TMPRSS2: variants seen among roughly 807,000 people sequenced by gnomAD.
TMPRSS2 encodes the protein transmembrane serine protease 2, also known as transmembrane protease serine 2.
A neutral mutation model predicts 67.4 loss-of-function variants in TMPRSS2; 59 were observed. That is an observed-to-expected ratio of 0.88 (90% CI 0.71 to 1.09). The LOEUF is 1.09. Ranked by LOEUF, TMPRSS2 falls within the 50% of genes least tolerant of loss-of-function variation. TMPRSS2 has a pLI of 0.00. For synonymous variants in TMPRSS2, 257 were observed against 257.0 expected (o/e 1.00, Z 0.00); for missense variants, 668 against 642.7 (o/e 1.04, Z -0.43).
intron 1 of TMPRSS2, among the ~76,000 whole-genome samples, chr21:41,505,951 G>A (rs2091454783): frequency 6.6e-6 from 1 of 152,168 alleles, no homozygotes; most frequent in Admixed American, 6.5e-5. Context: ...ACAAGATCTT[G>A]GACAAGCTTC....
intron 2 of TMPRSS2, among the ~76,000 whole-genome samples, chr21:41,497,811 AT>A (rs1315651270): frequency 1.3e-5 from 2 of 152,164 alleles, no homozygotes; most frequent in East Asian, 3.8e-4. Flanking sequence ...TGTTATCGCC[AT>A]CCTGCCTCAT....
chr21:41,490,484 G>A (rs1407382798), intron 3 of TMPRSS2, among the ~76,000 whole-genome samples: 2 of 152,236 alleles, frequency 1.3e-5, no homozygotes, highest in Non-Finnish European at 2.9e-5. Context: ...ATGTCAGACA[G>A]TGCAGCTGTA....
intron 1 of TMPRSS2, among the ~76,000 whole-genome samples, chr21:41,505,123 C>T (rs1417475540): frequency 6.6e-6 from 1 of 152,136 alleles, no homozygotes; most frequent in Non-Finnish European, 1.5e-5. Flanking sequence ...CTTCAGCAAC[C>T]AAAACTGAAC....
chr21:41,486,814 G>A (rs1175315176), intron 5 of TMPRSS2: 2 of 152,056 alleles, frequency 1.3e-5, no homozygotes, highest in African/African-American at 4.8e-5. Flanking sequence ...AAATAAAAAT[G>A]CAAATGAAAA....
chr21:41,479,172 C>A lies in TMPRSS2; in HGVS notation c.683G>T (p.Ser228Ile). Residue 228 changes from serine (S) to isoleucine (I), a missense_variant and splice_region_variant, in exon 7 of 14, where the codon AGT (serine) becomes ATT (isoleucine). Transcript: ENST00000332149. Reference protein sequence around the residue: ...NVDIYKKLYHSDACSSKAVVS... With the variant: ...NVDIYKKLYHIDACSSKAVVS... ...TTTTCAAGAAGAAATTGCTGCATAC[C>A]TGTGGTACAGTTTTTTATAGATATC... is the stretch of plus-strand genomic sequence containing the variant. 1.2e-6 allele frequency: 2 copies of A among 1,612,380 alleles called. No individual in the cohort carries two copies. The highest frequency in any genetic ancestry group is 1.7e-6 in the Non-Finnish European group (2 of 1,178,828).
At chr21:41,473,869 G>C (rs1460834876) in intron 8 of TMPRSS2, among the ~76,000 whole-genome samples, 4 of 147,390 alleles carry the variant, frequency 2.7e-5, no homozygotes, top group Non-Finnish European at 6.0e-5. Flanking sequence ...GGCTGGAAGT[G>C]AGTGAGGGGG....
At position 41,492,985 on chromosome 21, in the gene TMPRSS2, G is replaced by A. The variant is rs190685013; in HGVS notation, c.238+1371C>T. Among the ~76,000 whole-genome samples the A allele has an allele frequency of 7.6e-4, 116 of 152,288 alleles. 1 individual carries two copies. The highest frequency in any genetic ancestry group is 2.5e-3 in the African/African-American group (102 of 41,556). On this transcript the variant is annotated intron_variant, in intron 3 of 13. Transcript: ENST00000332149. ...GGAGTTCCCAACCTCCACACTAAGC[G>A]ATATTTTACCTGGAGGATTCTTTGC... is the stretch of plus-strand genomic sequence containing the variant.
chr21:41,501,285 A>AT (rs2091421670), intron 1 of TMPRSS2, among the ~76,000 whole-genome samples: 1 of 152,198 alleles, frequency 6.6e-6, no homozygotes, highest in Admixed American at 6.5e-5. Context: ...GGACTTTGGA[A>AT]TGGAAGACCA....
intron 1 of TMPRSS2, among the ~76,000 whole-genome samples, chr21:41,502,133 T>C (rs974830226): frequency 2.0e-5 from 3 of 152,232 alleles, no homozygotes; most frequent in Admixed American, 2.0e-4. Context: ...ATGAGTCACC[T>C]GCCTGGCCAC....
chr21:41,494,070 G>A (rs1037031030), intron 3 of TMPRSS2, among the ~76,000 whole-genome samples: 2 of 152,250 alleles, frequency 1.3e-5, no homozygotes, highest in South Asian at 4.1e-4. Context: ...CAGAGAAGGT[G>A]ATCTCGAAGC....
chr21:41,488,399 C>T lies in TMPRSS2; in HGVS notation c.440G>A (p.Arg147Gln), dbSNP rs1363585340. The T allele has an allele frequency of 1.9e-6, 3 of 1,612,244 alleles. No homozygotes were observed. The highest frequency in any genetic ancestry group is 1.7e-6 in the Non-Finnish European group (2 of 1,179,036). ...CAAGGTCAAGGCTGACTCACCACAC[C>T]GATTCTCGTCCTCCCCGCCGGGGCA... ...SHCPGGEDEN[R>Q]CVRLYGPNFI... The change falls in exon 5 of 14, where the codon CGG becomes CAG. Residue 147 changes from arginine (R) to glutamine (Q), a missense_variant. Physicochemically the swap from Arg to Gln is conservative, Grantham distance 43. Coordinates refer to ENST00000332149, the MANE Select transcript of TMPRSS2 (RefSeq NM_005656.4).
intron 3 of TMPRSS2, among the ~76,000 whole-genome samples, chr21:41,491,776 C>T (rs1324992391): frequency 1.3e-5 from 2 of 152,202 alleles, no homozygotes; most frequent in Admixed American, 6.5e-5. Flanking sequence ...GTGTGTAAAG[C>T]GGGAAGCCCT....
chr21:41,502,416 C>T (rs1223637354), intron 1 of TMPRSS2: 2 of 985,290 alleles, frequency 2.0e-6, no homozygotes, highest in Non-Finnish European at 2.4e-6. Flanking sequence ...TTCTCGAAGC[C>T]CCCACCTGTG....
In TMPRSS2 at chr21:41,478,487, A is replaced by G. The variant is rs2091232887; in HGVS notation, c.683+685T>C. Among the ~76,000 whole-genome samples, 1 of 152,226 alleles carries G rather than the reference A, an allele frequency of 6.6e-6. No homozygotes were observed. The highest frequency in any genetic ancestry group is 1.5e-5 in the Non-Finnish European group (1 of 68,032). On this transcript the variant is annotated intron_variant, in intron 7 of 13. Coordinates refer to ENST00000332149, the MANE Select transcript of TMPRSS2 (RefSeq NM_005656.4). This position sits in a 1 kb window ranked among gnomAD's most constrained non-coding sequence, Gnocchi z 4.0. ...ACACATAACAGCAACAATCATAGCA[A>G]GTCTGCAAACATCCTAAATATGTGC...
intron 7 of TMPRSS2, among the ~76,000 whole-genome samples, chr21:41,476,910 T>C (rs568371224): frequency 5.3e-5 from 8 of 152,216 alleles, no homozygotes; most frequent in Admixed American, 3.9e-4. Context: ...AGGGTAAGTA[T>C]ACAATAATGC....
chr21:41,488,631 CTG>C (rs1262321254), intron 4 of TMPRSS2, 118 bp from the exon 5 acceptor site: 2 of 1,196,068 alleles, frequency 1.7e-6, no homozygotes, highest in South Asian at 1.5e-5. Flanking sequence ...CCTGGCCCCA[CTG>C]TGTTTTGTTT....
intron 7 of TMPRSS2, among the ~76,000 whole-genome samples, chr21:41,477,410 C>T (rs988130751): frequency 3.3e-5 from 5 of 152,152 alleles, no homozygotes; most frequent in Admixed American, 1.3e-4. Context: ...ACTTGAGCGA[C>T]GGACGTTTCT....
chr21:41,467,065 G>A (rs73372163), intron 13 of TMPRSS2, among the ~76,000 whole-genome samples: 24,498 of 152,008 alleles, frequency 0.16, 2,326 homozygotes, highest in African/African-American at 0.24. Context: ...GGGCACAGCC[G>A]GCTCTTCCCT....
chr21:41,480,762 C>A (rs2091251166), intron 5 of TMPRSS2, among the ~76,000 whole-genome samples, 160 bp from the exon 6 acceptor site: 1 of 152,196 alleles, frequency 6.6e-6, no homozygotes, highest in Non-Finnish European at 1.5e-5. Context: ...CCTCAGCCTC[C>A]CGAGTAGCTG....
Sources: allele counts gnomAD v4.1 joint callset (sites outside exome capture counted in the v4.1 genomes callset), GRCh38; gene constraint gnomAD v4.1.1; non-coding constraint Gnocchi (gnomAD v3.1); transcripts MANE v1.5; gene names NCBI Gene and HGNC (gene_info 2026-07-23, HGNC 2026-07-21).